Variants in AMZ1 observed in about 807,000 individuals in gnomAD.
AMZ1 encodes archaelysin family metallopeptidase 1.
A neutral mutation model predicts 29.9 loss-of-function variants in AMZ1; 39 were observed. The observed-to-expected ratio is 1.30, with a 90% CI of 1.01 to 1.70. The LOEUF is 1.70. Among genes scored for constraint, AMZ1 ranks in the 40% most tolerant of loss-of-function variants. The probability of loss-of-function intolerance (pLI) is 0.00; values close to 1 mark genes in which losing one functional copy is unlikely to be tolerated. For synonymous variants in AMZ1, 458 were observed against 304.0 expected (o/e 1.51, Z -5.27); for missense variants, 1,041 against 680.6 (o/e 1.53, Z -5.89).
chr7:2,691,003 T>G (rs10271567), intron 1 of AMZ1, among the ~76,000 whole-genome samples: 1 of 151,410 alleles, frequency 6.6e-6, no homozygotes, highest in African/African-American at 2.4e-5. Context: ...TAGCCTGGCA[T>G]GGTGGCATGC....
rs1407471101 is a variant in AMZ1 at position 2,708,703 on chromosome 7, C to T, written c.588C>T (p.Phe196=). ...CCTGGAGCTTCACCTTCAGCAAGTT[C>T]CTTCCAGGGCACGGTGAGCCGGGGC... ...HEAWSFTFSK[F]LPGHEVGVCS... Residue 196 remains phenylalanine, a synonymous_variant, in exon 4 of 7, where the codon TTC becomes TTT. Transcript: ENST00000683327. 1.2e-6 allele frequency: 2 copies of T among 1,612,732 alleles called. No individual in the cohort carries two copies. Among genetic ancestry groups the T allele is most frequent in the South Asian group, 2.2e-5 (2 of 91,082 alleles).
At chr7:2,743,466 G>A (rs1048696572) in intron 4 of AMZ1, among the ~76,000 whole-genome samples, 6 of 152,172 alleles carry the variant, frequency 3.9e-5, no homozygotes, top group African/African-American at 1.4e-4. Flanking sequence ...GCTTGACACA[G>A]ACTTTAAAGC....
intron 4 of AMZ1, among the ~76,000 whole-genome samples, chr7:2,725,652 G>A (rs796654130): frequency 1.2e-4 from 18 of 152,302 alleles, no homozygotes; most frequent in African/African-American, 4.3e-4. Context: ...CACACCCTGT[G>A]GGCTCCACTC....
At chr7:2,706,535 G>C (rs770176236) in intron 3 of AMZ1, among the ~76,000 whole-genome samples, 13 of 152,220 alleles carry the variant, frequency 8.5e-5, no homozygotes, top group Non-Finnish European at 1.2e-4. Flanking sequence ...AGAAGGCTCC[G>C]TGGAGGGTGC....
At chr7:2,726,773 T>C (rs2115260807) in intron 4 of AMZ1, among the ~76,000 whole-genome samples, 1 of 152,194 alleles carries the variant, frequency 6.6e-6, no homozygotes, top group East Asian at 1.9e-4. Flanking sequence ...CAAGTTATGG[T>C]GGAGGCCTGA....
chr7:2,722,237 G>A (rs1200306830), downstream of AMZ1, among the ~76,000 whole-genome samples: 1 of 152,048 alleles, frequency 6.6e-6, no homozygotes, highest in East Asian at 1.9e-4. Context: ...ATCGATGTGA[G>A]CTGGTTCAAA....
upstream of AMZ1, chr7:2,762,978 G>C (rs1316182389): frequency 7.4e-7 from 1 of 1,344,546 alleles, no homozygotes. Flanking sequence ...TCCTCAGAAA[G>C]AGCCCTTGTG....
At position 2,712,781 on chromosome 7, in the gene AMZ1, T is replaced by G; in HGVS notation, c.1400T>G (p.Leu467Arg). 6.3e-7 allele frequency: 1 copy of G among 1,576,266 alleles called. No individual in the cohort carries two copies. Among genetic ancestry groups the G allele is most frequent in the Non-Finnish European group, 8.6e-7 (1 of 1,158,912 alleles). Residue 467 changes from leucine to arginine, a missense_variant, in exon 7 of 7, where the codon CTG becomes CGG. Leu to Arg is a moderately radical substitution (Grantham distance 102). Coordinates refer to ENST00000683327, the MANE Select transcript of AMZ1 (RefSeq NM_001384743.1). ...SRDSVGLRKVLGDKFSSLRRK... is the reference protein window; with the variant it reads ...SRDSVGLRKVRGDKFSSLRRK... The stretch of plus-strand genomic sequence containing the variant: ...GACAGCGTGGGGCTGCGCAAGGTGC[T>G]GGGGGACAAGTTCTCCTCCCTGAGG...
chr7:2,705,868 C>G (rs548711871), intron 3 of AMZ1, among the ~76,000 whole-genome samples: 115 of 152,340 alleles, frequency 7.5e-4, no homozygotes, highest in African/African-American at 2.6e-3. Flanking sequence ...GCCTCTCAGG[C>G]TTGGCCTCTG....
At chr7:2,742,471 C>A (rs1242948900) in intron 4 of AMZ1, among the ~76,000 whole-genome samples, 2 of 152,192 alleles carry the variant, frequency 1.3e-5, no homozygotes, top group Non-Finnish European at 2.9e-5. Flanking sequence ...TCAACAAGAG[C>A]CCTGCTCCTG....
At chr7:2,724,832 A>G (rs1435913584) in intron 4 of AMZ1, among the ~76,000 whole-genome samples, 2 of 152,186 alleles carry the variant, frequency 1.3e-5, no homozygotes, top group Non-Finnish European at 2.9e-5. Context: ...GGCGCGTGAG[A>G]GTCTCACAAT....
chr7:2,738,186 G>T (rs752782703), intron 4 of AMZ1, among the ~76,000 whole-genome samples: 7 of 152,070 alleles, frequency 4.6e-5, no homozygotes, highest in Non-Finnish European at 1.0e-4. Context: ...TTGGGAGGCC[G>T]AGGCAATCAC....
chr7:2,694,813 C>T (rs918398838), intron 1 of AMZ1, among the ~76,000 whole-genome samples: 16 of 152,026 alleles, frequency 1.1e-4, no homozygotes, highest in Non-Finnish European at 2.1e-4. Flanking sequence ...GCTGGGATTA[C>T]AGGCATGTGC....
At chr7:2,752,855 A>G (rs181752614) in intron 4 of AMZ1, among the ~76,000 whole-genome samples, 6 of 152,302 alleles carry the variant, frequency 3.9e-5, no homozygotes, top group South Asian at 4.1e-4. Context: ...TTATAGTACA[A>G]TATCAGAACC....
intron 4 of AMZ1, among the ~76,000 whole-genome samples, chr7:2,750,716 G>C (rs1790991762): frequency 6.6e-6 from 1 of 152,212 alleles, no homozygotes; most frequent in South Asian, 2.1e-4. Context: ...GGACAGGCAT[G>C]TTAACAGACA....
At chr7:2,709,445 C>CCCAGGGCCTCG (rs1466403579) in intron 5 of AMZ1, among the ~76,000 whole-genome samples, 195 bp from the exon 6 acceptor site, 3 of 152,184 alleles carry the variant, frequency 2.0e-5, no homozygotes, top group Non-Finnish European at 4.4e-5. Flanking sequence ...GTGTGGCCTC[C>CCCAGGGCCTCG]CACCCTGACT....
At chr7:2,743,575 T>C (rs1393763702) in intron 4 of AMZ1, among the ~76,000 whole-genome samples, 1 of 152,138 alleles carries the variant, frequency 6.6e-6, no homozygotes, top group Non-Finnish European at 1.5e-5. Context: ...GATGGCCGAA[T>C]AGGAACAGCT....
chr7:2,750,707 G>C (rs558878712), intron 4 of AMZ1, among the ~76,000 whole-genome samples: 1 of 152,204 alleles, frequency 6.6e-6, no homozygotes, highest in Non-Finnish European at 1.5e-5. Context: ...GGGACTATTG[G>C]ACAGGCATGT....
intron 4 of AMZ1, among the ~76,000 whole-genome samples, chr7:2,739,071 G>T (rs926040497): frequency 6.6e-6 from 1 of 152,206 alleles, no homozygotes; most frequent in Non-Finnish European, 1.5e-5. Context: ...GCTCCGCAGG[G>T]TGTGTCCTCG....
Sources: allele counts gnomAD v4.1 joint callset (sites outside exome capture counted in the v4.1 genomes callset), GRCh38; gene constraint gnomAD v4.1.1; transcripts MANE v1.5; gene names NCBI Gene and HGNC (gene_info 2026-07-23, HGNC 2026-07-21).